ATRNL1: variants seen among roughly 807,000 people sequenced by gnomAD.
The protein encoded by ATRNL1 is attractin like 1.
In ATRNL1, 95 loss-of-function variants were observed where a neutral mutation model predicts 182.7. The observed-to-expected ratio is 0.52, with a 90% confidence interval of 0.44 to 0.62. The LOEUF is 0.62. ATRNL1 is among the 20% of genes least tolerant of loss of function. The probability of loss-of-function intolerance (pLI) is 0.00; values close to 1 mark genes in which losing one functional copy is unlikely to be tolerated. For missense variants in ATRNL1, 1,471 were observed against 1,679.5 expected (o/e 0.88, Z 2.17); for synonymous variants, 576 against 568.3 (o/e 1.01, Z -0.19).
chr10:115,130,610 A>G (rs1471701410), intron 5 of ATRNL1, among the ~76,000 whole-genome samples: 1 of 152,110 alleles, frequency 6.6e-6, no homozygotes, highest in East Asian at 1.9e-4. Context: ...ATTATGTCAG[A>G]TGCAAATTTC....
At chr10:115,364,743 T>A (rs1856936440) in intron 19 of ATRNL1, among the ~76,000 whole-genome samples, 1 of 151,970 alleles carries the variant, frequency 6.6e-6, no homozygotes, top group South Asian at 2.1e-4. Context: ...TTGTTGAATT[T>A]TGTCAAAGGC....
At chr10:115,463,460 A>G (rs1847910252) in intron 22 of ATRNL1, among the ~76,000 whole-genome samples, 1 of 152,140 alleles carries the variant, frequency 6.6e-6, no homozygotes, top group African/African-American at 2.4e-5. Context: ...TATCAATGTG[A>G]TAAAGTTTTT....
chr10:115,759,794 G>C (rs2960724), intron 27 of ATRNL1, among the ~76,000 whole-genome samples: 139,145 of 146,248 alleles, frequency 0.95, 66,584 homozygotes, highest in East Asian at 1. Context: ...TCCTGCCTCA[G>C]CCTCCTGAGT....
At chr10:115,644,409 G>A (rs939004069) in intron 26 of ATRNL1, among the ~76,000 whole-genome samples, 52 of 152,084 alleles carry the variant, frequency 3.4e-4, no homozygotes, top group Non-Finnish European at 5.9e-5. Context: ...CGACAATATT[G>A]TATGTAGGCA....
chr10:115,442,368 A>G (rs1286246097), intron 21 of ATRNL1, among the ~76,000 whole-genome samples: 1 of 147,350 alleles, frequency 6.8e-6, no homozygotes, highest in Non-Finnish European at 1.5e-5. Flanking sequence ...GAACTTTTTC[A>G]CTGATTGTTT....
chr10:115,655,921 G>A (rs1227517018), intron 26 of ATRNL1, among the ~76,000 whole-genome samples: 5 of 151,940 alleles, frequency 3.3e-5, no homozygotes, highest in South Asian at 2.1e-4. Flanking sequence ...TACTTGCACC[G>A]TGCACTAAAT....
intron 27 of ATRNL1, among the ~76,000 whole-genome samples, chr10:115,762,793 T>C (rs959251300): frequency 6.6e-6 from 1 of 152,126 alleles, no homozygotes; most frequent in Non-Finnish European, 1.5e-5. Context: ...AACATAATTA[T>C]TCTTTAATAA....
intron 26 of ATRNL1, among the ~76,000 whole-genome samples, chr10:115,589,375 T>G (rs1555011475): frequency 6.6e-6 from 1 of 152,178 alleles, no homozygotes; most frequent in African/African-American, 2.4e-5. Flanking sequence ...ATGGAAAATA[T>G]TATATTTATT....
chr10:115,684,334 T>C (rs908111583), intron 26 of ATRNL1, among the ~76,000 whole-genome samples: 3 of 151,460 alleles, frequency 2.0e-5, no homozygotes, highest in Non-Finnish European at 1.5e-5. Flanking sequence ...ATATGAAGTA[T>C]AGCAAGAAAT....
At chr10:115,796,412 TAAGCAAAAGG>T (rs1218929469) in intron 27 of ATRNL1, among the ~76,000 whole-genome samples, 1 of 151,934 alleles carries the variant, frequency 6.6e-6, no homozygotes, top group Non-Finnish European at 1.5e-5. Flanking sequence ...TTGAAACAGG[TAAGCAAAAGG>T]AAGCAAAAGG....
intron 27 of ATRNL1, among the ~76,000 whole-genome samples, chr10:115,817,201 C>T (rs782719833): frequency 9.2e-5 from 14 of 151,950 alleles, no homozygotes; most frequent in Non-Finnish European, 1.9e-4. Context: ...AGCTCCATCT[C>T]GTGGTCGGAT....
intron 26 of ATRNL1, among the ~76,000 whole-genome samples, chr10:115,590,462 C>G (rs1855835556): frequency 2.0e-5 from 3 of 152,002 alleles, no homozygotes; most frequent in Non-Finnish European, 2.9e-5. Context: ...TGTTCTAGAT[C>G]CATTGCTTGC....
intron 8 of ATRNL1, among the ~76,000 whole-genome samples, chr10:115,181,704 G>A (rs1342579250): frequency 6.6e-6 from 1 of 151,614 alleles, no homozygotes; most frequent in Non-Finnish European, 1.5e-5. Flanking sequence ...TTAGAAAGAT[G>A]ATGCCACAGT....
intron 27 of ATRNL1, among the ~76,000 whole-genome samples, chr10:115,815,151 A>C (rs1319375958): frequency 1.3e-5 from 2 of 152,138 alleles, no homozygotes; most frequent in Non-Finnish European, 2.9e-5. Flanking sequence ...TGCATAGTTT[A>C]TTTCTATACT....
At chr10:115,732,342 A>T (rs781903973) in intron 27 of ATRNL1, among the ~76,000 whole-genome samples, 1 of 152,158 alleles carries the variant, frequency 6.6e-6, no homozygotes, top group Non-Finnish European at 1.5e-5. Context: ...CTATTTATCT[A>T]TTCTTATGAC....
chr10:115,272,156 G>T (rs1488463505), intron 13 of ATRNL1, among the ~76,000 whole-genome samples: 2 of 152,326 alleles, frequency 1.3e-5, no homozygotes, highest in Non-Finnish European at 2.9e-5. Context: ...TTCCTGTAAA[G>T]CTTGCAGAAC....
intron 21 of ATRNL1, among the ~76,000 whole-genome samples, chr10:115,447,420 A>G (rs922424590): frequency 4.0e-5 from 6 of 151,798 alleles, no homozygotes; most frequent in Admixed American, 2.0e-4. Context: ...ATAATAATCA[A>G]TATTTATTGA....
chr10:115,663,900 T>C (rs550990893), intron 26 of ATRNL1, among the ~76,000 whole-genome samples: 3 of 152,248 alleles, frequency 2.0e-5, no homozygotes, highest in Admixed American at 2.0e-4. Context: ...TGCTTTATAT[T>C]ACTCCGATGT....
Position 115,908,218 on chromosome 10 carries a change from C to T in ATRNL1, c.4019-36440C>T, listed in dbSNP as rs536180383. On this transcript the variant is annotated intron_variant, in intron 28 of 28. Coordinates refer to ENST00000355044, the MANE Select transcript of ATRNL1 (RefSeq NM_207303.4). ...TACAATTCTGAGCTTTTAGGAGGCC[C>T]TAGCAAATTACCACGACCTAGGCAG... is the stretch of plus-strand genomic sequence containing the variant. Among the ~76,000 whole-genome samples, 7 of 152,222 alleles carry T rather than the reference C, an allele frequency of 4.6e-5. No homozygotes were observed. In the South Asian group the frequency reaches 1.5e-3, roughly 32 times the overall value.
Sources: gnomAD v4.1 joint callset for allele counts (sites outside exome capture counted in the v4.1 genomes callset) on GRCh38, gnomAD v4.1.1 for gene constraint, MANE v1.5 for transcripts, NCBI Gene and HGNC (gene_info 2026-07-23, HGNC 2026-07-21) for gene names.